RIDA: variants seen among roughly 807,000 people sequenced by gnomAD.
The protein encoded by RIDA is 2-iminobutanoate/2-iminopropanoate deaminase.
In RIDA, 17 loss-of-function variants were observed where a neutral mutation model predicts 17.8. That is an observed-to-expected ratio of 0.96 (90% CI 0.65 to 1.43). The LOEUF (loss-of-function observed/expected upper bound fraction) is 1.43. Among genes scored for constraint, RIDA ranks in the 40% most tolerant of loss-of-function variants. The pLI, the probability that RIDA is intolerant of heterozygous loss-of-function variation, is 0.00. For missense variants in RIDA, 158 were observed against 161.7 expected (o/e 0.98, Z 0.12); for synonymous variants, 48 against 55.7 (o/e 0.86, Z 0.62).
At chr8:98,114,780 C>G (rs954383983) in intron 1 of RIDA, among the ~76,000 whole-genome samples, 5 of 152,118 alleles carry the variant, frequency 3.3e-5, no homozygotes, top group Middle Eastern at 3.2e-3. Flanking sequence ...AGAGGCAAAA[C>G]AAAAATTCAA....
intron 1 of RIDA, among the ~76,000 whole-genome samples, chr8:98,111,819 T>C (rs75547257): frequency 0.026 from 3,991 of 152,152 alleles, 182 homozygotes; most frequent in African/African-American, 0.088. Context: ...TAGGAGTTCA[T>C]ATGGTTCAAA....
At chr8:98,110,538 T>C (rs1266096119) in intron 1 of RIDA, among the ~76,000 whole-genome samples, 1 of 152,086 alleles carries the variant, frequency 6.6e-6, no homozygotes, top group Non-Finnish European at 1.5e-5. Flanking sequence ...GGGATTACAG[T>C]CGTGGGCCAC....
chr8:98,115,554 CTT>C (rs61291894), intron 1 of RIDA, among the ~76,000 whole-genome samples: 37,458 of 147,132 alleles, frequency 0.25, 4,777 homozygotes, highest in South Asian at 0.29. Context: ...TTTAATTAAA[CTT>C]TTTTTTTTTT....
At position 98,117,032 on chromosome 8, in the gene RIDA, C is replaced by T. The variant is rs1303335966; in HGVS notation, c.65G>A (p.Ser22Asn). ...AKAPGAIGPYSQAVLVDRTIY... is the reference protein window; with the variant it reads ...AKAPGAIGPYNQAVLVDRTIY... ...ACACAGCTTCCACCAGCCACGTTAC[C>T]TGTAGGGTCCAATGGCCCCTGGGGC... Residue 22 changes from serine (S) to asparagine (N), a missense_variant and splice_region_variant, in exon 1 of 6, where the codon AGT (serine) becomes AAT (asparagine). Coordinates refer to ENST00000254878, the MANE Select transcript of RIDA (RefSeq NM_005836.3). 5.6e-6 allele frequency: 9 copies of T among 1,613,434 alleles called. No homozygotes were observed. In the African/African-American group the frequency reaches 6.7e-5, roughly 12 times the overall value.
chr8:98,113,643 A>G (rs990856064), intron 1 of RIDA: 1 of 152,156 alleles, frequency 6.6e-6, no homozygotes, highest in Non-Finnish European at 1.5e-5. Context: ...CCTACCTTCA[A>G]GTCAACCAGG....
At chr8:98,114,404 C>T (rs541924823) in intron 1 of RIDA, among the ~76,000 whole-genome samples, 21 of 151,592 alleles carry the variant, frequency 1.4e-4, no homozygotes, top group East Asian at 9.7e-4. Context: ...TGGCTCACCG[C>T]GACCTCTGCC....
At chr8:98,108,608 A>G in intron 2 of RIDA, 38 bp downstream of exon 2, 1 of 1,218,044 alleles carries the variant, frequency 8.2e-7, no homozygotes, top group South Asian at 1.2e-5. Context: ...TTAAAAAGGT[A>G]GTAGAAAAGG....
chr8:98,116,766 G>A (rs1397767418), intron 1 of RIDA, among the ~76,000 whole-genome samples: 1 of 152,218 alleles, frequency 6.6e-6, no homozygotes, highest in Non-Finnish European at 1.5e-5. Context: ...ACAAAACACA[G>A]GGTCTGAAGG....
chr8:98,108,260 C>T (rs1815661894), intron 2 of RIDA, among the ~76,000 whole-genome samples: 1 of 151,920 alleles, frequency 6.6e-6, no homozygotes. Flanking sequence ...AATTATATTC[C>T]CCATTCTTAT....
Position 98,105,938 on chromosome 8 carries a change from AC to A in RIDA, c.294del (p.Gln98HisfsTer29). 6.3e-7 allele frequency: 1 copy of A among 1,591,628 alleles called. No individual in the cohort carries two copies. Among genetic ancestry groups the A allele is most frequent in the Non-Finnish European group, 8.6e-7 (1 of 1,160,144 alleles). ...ATAGGAATAAAGCCAAATTACTTAC[AC>A]TGTTTGTAGATTTCATTGACAGTAT... ...DFNTVNEIYK[Q>X]YFKSNFPARA... On this transcript the variant is annotated frameshift_variant and splice_region_variant, in exon 4 of 6. Coordinates refer to ENST00000254878, the MANE Select transcript of RIDA (RefSeq NM_005836.3). LOFTEE classifies it high-confidence loss of function.
chr8:98,106,377 TTTAA>T (rs1386380511), intron 2 of RIDA, 51 bp from the exon 3 acceptor site: 2 of 1,460,010 alleles, frequency 1.4e-6, no homozygotes, highest in African/African-American at 2.8e-5. Flanking sequence ...GATTTAAAGC[TTTAA>T]TTAAATTCAA....
intron 4 of RIDA, among the ~76,000 whole-genome samples, chr8:98,105,382 T>C (rs910285078): frequency 1.3e-5 from 2 of 152,110 alleles, no homozygotes; most frequent in East Asian, 1.9e-4. Context: ...GGACACCAAT[T>C]TTCCCTACTA....
At chr8:98,103,460 T>C (rs1041114716) in intron 5 of RIDA, among the ~76,000 whole-genome samples, 2 of 152,192 alleles carry the variant, frequency 1.3e-5, no homozygotes, top group Admixed American at 1.3e-4. Context: ...AAAATCAAAA[T>C]GGTGAGAAAT....
At chr8:98,116,963 G>A in intron 1 of RIDA, 69 bp downstream of exon 1, 1 of 1,278,522 alleles carries the variant, frequency 7.8e-7, no homozygotes, top group Non-Finnish European at 1.1e-6. Flanking sequence ...CCGGCCCGGA[G>A]TGGCCCCAAC....
intron 4 of RIDA, among the ~76,000 whole-genome samples, chr8:98,104,777 C>A (rs1815610114): frequency 2.0e-5 from 3 of 152,092 alleles, no homozygotes. Flanking sequence ...GTGATGCGAT[C>A]TCAGCTTACT....
At chr8:98,108,816 CTT>C (rs763180647) in intron 1 of RIDA, 65 bp from the exon 2 acceptor site, 1 of 956,566 alleles carries the variant, frequency 1.0e-6, no homozygotes, top group Non-Finnish European at 1.7e-6. Flanking sequence ...TGCTAGAAGA[CTT>C]TTTTGATAGG....
intron 1 of RIDA, 23 bp from the exon 2 acceptor site, chr8:98,108,774 G>T: frequency 1.4e-6 from 2 of 1,422,504 alleles, no homozygotes; most frequent in Non-Finnish European, 2.0e-6. Flanking sequence ...GAAAGCTAGT[G>T]TATTTATGTA....
chr8:98,109,039 T>C (rs1009209046), intron 1 of RIDA, among the ~76,000 whole-genome samples: 1 of 151,558 alleles, frequency 6.6e-6, no homozygotes. Flanking sequence ...CAAAAAACAA[T>C]AAAAAACAGC....
At chr8:98,109,595 C>G (rs1411291301) in intron 1 of RIDA, among the ~76,000 whole-genome samples, 1 of 151,974 alleles carries the variant, frequency 6.6e-6, no homozygotes, top group Non-Finnish European at 1.5e-5. Flanking sequence ...AACATACAAC[C>G]CAGCAAACTC....
Sources: allele counts gnomAD v4.1 joint callset (sites outside exome capture counted in the v4.1 genomes callset), GRCh38; gene constraint gnomAD v4.1.1; transcripts MANE v1.5; gene names NCBI Gene and HGNC (gene_info 2026-07-23, HGNC 2026-07-21).